The following RNF212 variants were observed in gnomAD, a reference collection of about 807,000 sequenced individuals.
RNF212 encodes the protein probable E3 SUMO-protein ligase RNF212.
RNF212 carries 33 observed loss-of-function variants against 34.7 expected under a neutral mutation model. The ratio of observed to expected loss-of-function variants is 0.95; its 90% confidence interval spans 0.72 to 1.27. The LOEUF (loss-of-function observed/expected upper bound fraction) is 1.27, where lower values mean the gene tolerates loss of function less well. RNF212 is among the 50% of genes most tolerant of loss of function. The pLI is 0.00. For missense variants in RNF212, 377 were observed against 362.2 expected (o/e 1.04, Z -0.33); for synonymous variants, 140 against 136.1 (o/e 1.03, Z -0.20).
At chr4:1,085,689 TCTTTTTCA>T in intron 5 of RNF212, 199 bp downstream of exon 5, 1 of 591,616 alleles carries the variant, frequency 1.7e-6, no homozygotes, top group Non-Finnish European at 3.0e-6. Context: ...ACCATTCATC[TCTTTTTCA>T]CTTTTTCTTT....
intron 5 of RNF212, among the ~76,000 whole-genome samples, chr4:1,083,883 C>T (rs1467013009): frequency 6.7e-6 from 1 of 149,752 alleles, no homozygotes; most frequent in African/African-American, 2.5e-5. Context: ...CACGAATCCA[C>T]AGAATGAAAG....
chr4:1,094,050 G>T (rs115191370), intron 3 of RNF212: 1 of 1,503,174 alleles, frequency 6.7e-7, no homozygotes, highest in South Asian at 1.3e-5. Context: ...AAGCAAGGAA[G>T]CTCCCAGAGG....
intron 3 of RNF212, among the ~76,000 whole-genome samples, chr4:1,063,191 G>A (rs1215966660): frequency 6.6e-6 from 1 of 152,140 alleles, no homozygotes; most frequent in Non-Finnish European, 1.5e-5. Context: ...TTTGTCAGCA[G>A]AAATGGGAAA....
chr4:1,112,390 C>T (rs1357831302), intron 1 of RNF212, among the ~76,000 whole-genome samples: 1 of 152,124 alleles, frequency 6.6e-6, no homozygotes, highest in Non-Finnish European at 1.5e-5. Context: ...GAGCCACCGG[C>T]ACCCAGCTGG....
At chr4:1,068,470 C>T (rs1718234665), downstream of RNF212, among the ~76,000 whole-genome samples, 1 of 152,188 alleles carries the variant, frequency 6.6e-6, no homozygotes, top group East Asian at 1.9e-4. Flanking sequence ...TCATCTTCTG[C>T]TCTACTGTTG....
chr4:1,077,978 G>A (rs754263617), intron 8 of RNF212, among the ~76,000 whole-genome samples: 4 of 152,180 alleles, frequency 2.6e-5, no homozygotes, highest in African/African-American at 9.7e-5. Flanking sequence ...AGGAACTGGC[G>A]TTTCTCTTTC....
chr4:1,111,442 C>A (rs1384438555), intron 1 of RNF212, among the ~76,000 whole-genome samples: 1 of 152,176 alleles, frequency 6.6e-6, no homozygotes, highest in African/African-American at 2.4e-5. Flanking sequence ...AGCTCAGGGG[C>A]CCTGCACCCC....
intron 8 of RNF212, 140 bp from the exon 9 acceptor site, chr4:1,073,802 A>C (rs1291510386): frequency 1.5e-6 from 1 of 667,086 alleles, no homozygotes; most frequent in African/African-American, 1.8e-5. Context: ...GTTCCTGTCT[A>C]ACTTGATTCT....
chr4:1,094,135 C>T, intron 3 of RNF212: 1 of 1,223,244 alleles, frequency 8.2e-7, no homozygotes, highest in Non-Finnish European at 1.1e-6. Context: ...TGCAGGGGTC[C>T]ATCCTCAGTC....
chr4:1,079,091 A>G (rs1484216193), intron 8 of RNF212, among the ~76,000 whole-genome samples: 1 of 151,536 alleles, frequency 6.6e-6, no homozygotes, highest in Non-Finnish European at 1.5e-5. Context: ...TCAACACAGG[A>G]CCAACATAGG....
intron 2 of RNF212, among the ~76,000 whole-genome samples, chr4:1,105,296 C>A (rs570530888): frequency 2.1e-5 from 1 of 48,300 alleles, no homozygotes; most frequent in African/African-American, 3.6e-5. Flanking sequence ...CCGCGCTCAC[C>A]GGAGTCTCCC....
chr4:1,102,596 A>C (rs1254544010), intron 2 of RNF212, among the ~76,000 whole-genome samples: 5 of 8,562 alleles, frequency 5.8e-4, no homozygotes, highest in East Asian at 0.33. Flanking sequence ...CAAAAAAACA[A>C]AAAAAAAACA....
At chr4:1,077,736 T>TG (rs1483387938) in intron 8 of RNF212, among the ~76,000 whole-genome samples, 1 of 152,092 alleles carries the variant, frequency 6.6e-6, no homozygotes, top group Non-Finnish European at 1.5e-5. Flanking sequence ...AAGCAGGTGG[T>TG]GGGGACCTAC....
chr4:1,105,301 T>C (rs1577822366), intron 2 of RNF212, among the ~76,000 whole-genome samples: 1 of 8,726 alleles, frequency 1.1e-4, no homozygotes, highest in Non-Finnish European at 1.2e-3. Flanking sequence ...CTCACCGGAG[T>C]CTCCCTTCCT....
In RNF212 at chr4:1,113,440, G is replaced by A; in HGVS notation, c.25C>T (p.Arg9Cys). The A allele has an allele frequency of 6.2e-7, 1 of 1,608,070 alleles. No homozygotes were observed. Among genetic ancestry groups the A allele is most frequent in the Non-Finnish European group, 8.5e-7 (1 of 1,178,076 alleles). Residue 9 changes from arginine (R) to cysteine (C), a missense_variant, in exon 1 of 10, where the codon CGC (arginine) becomes TGC (cysteine). Coordinates refer to ENST00000433731, the MANE Select transcript of RNF212 (RefSeq NM_001131034.4). The stretch of plus-strand genomic sequence containing the variant: ...GTCCTGTGGGGCGGCTGGAAGCAGC[G>A]ATTACAGAACACCCAGTTGGCCATG... MANWVFCNRCFQPPHRTSC... is the reference protein window; with the variant it reads MANWVFCNCCFQPPHRTSC...
chr4:1,056,290 A>T (rs965606748), exon 5 of RNF212: 1 of 152,846 alleles, frequency 6.5e-6, no homozygotes, highest in Non-Finnish European at 1.5e-5. Flanking sequence ...ACATTACTTA[A>T]TTATTTCAAC....
intron 3 of RNF212, among the ~76,000 whole-genome samples, chr4:1,063,179 G>C (rs1717861270): frequency 6.6e-6 from 1 of 152,184 alleles, no homozygotes; most frequent in Non-Finnish European, 1.5e-5. Flanking sequence ...ATTTCAACCT[G>C]CTTTGTCAGC....
intron 1 of RNF212, among the ~76,000 whole-genome samples, chr4:1,112,907 T>C (rs1384453771): frequency 7.0e-5 from 3 of 42,632 alleles, no homozygotes; most frequent in African/African-American, 1.1e-4. Flanking sequence ...ACCTCCGGCG[T>C]CCCCTCTTTC....
chr4:1,092,765 C>T (rs575082130), intron 3 of RNF212, among the ~76,000 whole-genome samples: 11 of 152,348 alleles, frequency 7.2e-5, no homozygotes, highest in East Asian at 1.9e-4. Flanking sequence ...CCGGTGCTCA[C>T]GCGTGCTTTG....
Sources: gnomAD v4.1 joint callset for allele counts (sites outside exome capture counted in the v4.1 genomes callset) on GRCh38, gnomAD v4.1.1 for gene constraint, MANE v1.5 for transcripts, NCBI Gene and HGNC (gene_info 2026-07-23, HGNC 2026-07-21) for gene names.